The following TOX variants were observed in gnomAD, a reference collection of about 807,000 sequenced individuals.
TOX encodes the protein thymocyte selection associated high mobility group box, also known as thymocyte selection-associated high mobility group box protein TOX.
TOX carries 11 observed loss-of-function variants against 53.7 expected under a neutral mutation model. That is an observed-to-expected ratio of 0.20 (90% CI 0.13 to 0.34). TOX has a LOEUF of 0.34. Ranked by LOEUF, TOX falls within the 10% of genes least tolerant of loss-of-function variation. TOX has a pLI of 1.00. For missense variants in TOX, 570 were observed against 664.6 expected, an observed-to-expected ratio of 0.86 and a Z score of 1.56; for synonymous variants, 225 against 245.3, an observed-to-expected ratio of 0.92 and a Z score of 0.77.
intron 1 of TOX, among the ~76,000 whole-genome samples, chr8:59,078,546 G>A (rs537913689): frequency 6.6e-6 from 1 of 152,268 alleles, no homozygotes; most frequent in African/African-American, 2.4e-5. Flanking sequence ...AGCTTCCTGA[G>A]GTCCTTACAA....
At chr8:58,810,845 C>T (rs1210998262) in intron 7 of TOX, among the ~76,000 whole-genome samples, 1 of 151,682 alleles carries the variant, frequency 6.6e-6, no homozygotes, top group African/African-American at 2.4e-5. Context: ...CTTCCCCACA[C>T]AAAGACCACA....
chr8:59,028,670 C>T (rs1195946315), intron 1 of TOX, among the ~76,000 whole-genome samples: 1 of 152,140 alleles, frequency 6.6e-6, no homozygotes, highest in Non-Finnish European at 1.5e-5. Context: ...AGCTCCTTGA[C>T]TTGGCTGCAA....
chr8:58,976,830 G>T (rs1813109855), intron 1 of TOX, among the ~76,000 whole-genome samples: 1 of 152,174 alleles, frequency 6.6e-6, no homozygotes, highest in Non-Finnish European at 1.5e-5. Flanking sequence ...AGTAGTGGTT[G>T]GGAAGGAATC....
chr8:59,107,058 G>GGGGT (rs1563448687), intron 1 of TOX, among the ~76,000 whole-genome samples: 1 of 112,580 alleles, frequency 8.9e-6, no homozygotes, highest in Non-Finnish European at 1.8e-5. Flanking sequence ...GGGGGGGGGG[G>GGGGT]AACGTGACAT....
intron 1 of TOX, among the ~76,000 whole-genome samples, chr8:58,998,617 T>TATGTAATAAATTTATGTAATAAATTTAC (rs1813630059): frequency 1.2e-5 from 1 of 82,764 alleles, no homozygotes; most frequent in African/African-American, 3.3e-5. Flanking sequence ...AATAAATTTA[T>TATGTAATAAATTTATGTAATAAATTTAC]ATAATAATAT....
At chr8:59,113,805 G>T (rs546505335) in intron 1 of TOX, among the ~76,000 whole-genome samples, 2 of 152,262 alleles carry the variant, frequency 1.3e-5, no homozygotes, top group South Asian at 2.1e-4. Flanking sequence ...GCGACTGAGG[G>T]CTGGCTTTAA....
rs1226316049 is a variant in TOX, at chr8:58,930,239, G to A, written c.411+9063C>T. ...GCAATAATAATCTTGTACCTGTCTGGGGGAAATATTATGGCTAGAGATAAC... is the reference window on the plus strand; with the variant it reads ...GCAATAATAATCTTGTACCTGTCTGAGGGAAATATTATGGCTAGAGATAAC... On this transcript the variant is annotated intron_variant, in intron 3 of 8. Coordinates refer to ENST00000361421, the MANE Select transcript of TOX (RefSeq NM_014729.3). Among the ~76,000 whole-genome samples, 4 of 152,184 alleles carry A rather than the reference G, an allele frequency of 2.6e-5. No individual in the cohort carries two copies. In the South Asian group the frequency reaches 6.2e-4, roughly 24 times the overall value.
At chr8:59,078,169 T>G (rs13264257) in intron 1 of TOX, among the ~76,000 whole-genome samples, 10,738 of 152,210 alleles carry the variant, frequency 0.071, 943 homozygotes, top group African/African-American at 0.21. Context: ...TTATGAAACT[T>G]TATAACACAG....
intron 6 of TOX, among the ~76,000 whole-genome samples, chr8:58,817,208 C>A (rs902142333): frequency 1.3e-5 from 2 of 152,050 alleles, no homozygotes; most frequent in Non-Finnish European, 2.9e-5. Context: ...TCCTCTCATT[C>A]TGACATTTTC....
chr8:58,963,505 A>G (rs1250171805), intron 1 of TOX, among the ~76,000 whole-genome samples: 2 of 152,172 alleles, frequency 1.3e-5, no homozygotes, highest in Non-Finnish European at 2.9e-5. Context: ...ATACAAATGT[A>G]TTTATTTCAT....
At chr8:59,034,318 A>G (rs970835606) in intron 1 of TOX, among the ~76,000 whole-genome samples, 1 of 152,262 alleles carries the variant, frequency 6.6e-6, no homozygotes, top group Admixed American at 6.5e-5. Context: ...ATTACTACAC[A>G]AACTGCTACC....
chr8:58,860,413 G>C (rs1318936312), intron 3 of TOX, among the ~76,000 whole-genome samples: 1 of 152,198 alleles, frequency 6.6e-6, no homozygotes, highest in Non-Finnish European at 1.5e-5. Context: ...TTTTAGGACA[G>C]TGAGATGTTG....
intron 1 of TOX, among the ~76,000 whole-genome samples, chr8:58,968,088 T>C (rs1199938640): frequency 1.3e-5 from 2 of 152,146 alleles, no homozygotes; most frequent in Non-Finnish European, 2.9e-5. Context: ...CATTACTCCA[T>C]TTGAAAGAAA....
intron 3 of TOX, among the ~76,000 whole-genome samples, chr8:58,866,567 T>C (rs1811105661): frequency 1.3e-5 from 2 of 152,202 alleles, no homozygotes; most frequent in Non-Finnish European, 2.9e-5. Flanking sequence ...TTAACTTAGG[T>C]AAATTTTTTC....
intron 1 of TOX, among the ~76,000 whole-genome samples, chr8:58,971,924 T>TA (rs1433033745): frequency 6.6e-6 from 1 of 152,162 alleles, no homozygotes; most frequent in African/African-American, 2.4e-5. Flanking sequence ...CTCCTGACCT[T>TA]AGGTGATCCA....
At chr8:58,995,780 C>T (rs1041971032) in intron 1 of TOX, among the ~76,000 whole-genome samples, 1 of 152,156 alleles carries the variant, frequency 6.6e-6, no homozygotes, top group African/African-American at 2.4e-5. Flanking sequence ...GCATTTTGTA[C>T]CTCAGTGACT....
chr8:58,826,675 G>A (rs908056111), intron 6 of TOX, 147 bp downstream of exon 6: 29 of 602,052 alleles, frequency 4.8e-5, no homozygotes, highest in East Asian at 1.7e-4. Flanking sequence ...TTTCCATATC[G>A]TATAGCTTTG....
chr8:59,028,022 G>A (rs1335423012), intron 1 of TOX, among the ~76,000 whole-genome samples: 4 of 152,038 alleles, frequency 2.6e-5, no homozygotes, highest in African/African-American at 4.8e-5. Context: ...GAAATCTTTC[G>A]AAGCATGAAT....
intron 1 of TOX, among the ~76,000 whole-genome samples, chr8:59,047,203 GTTTT>G (rs10551461): frequency 0.034 from 1,537 of 44,780 alleles, 60 homozygotes; most frequent in South Asian, 0.19. Context: ...ACCAAGAATT[GTTTT>G]TTTTTTTTTT....
Sources: gnomAD v4.1 joint callset for allele counts (sites outside exome capture counted in the v4.1 genomes callset) on GRCh38, gnomAD v4.1.1 for gene constraint, MANE v1.5 for transcripts, NCBI Gene and HGNC (gene_info 2026-07-23, HGNC 2026-07-21) for gene names.